Variants in HS3ST4 observed in about 807,000 individuals in gnomAD.
HS3ST4 encodes the protein heparan sulfate-glucosamine 3-sulfotransferase 4, also known as heparan sulfate glucosamine 3-O-sulfotransferase 4.
HS3ST4 carries 17 observed loss-of-function variants against 29.2 expected under a neutral mutation model. The observed-to-expected ratio is 0.58, with a 90% CI of 0.40 to 0.87. The LOEUF is 0.87. Among genes scored for constraint, HS3ST4 ranks in the 40% least tolerant of loss-of-function variants. HS3ST4 has a pLI of 0.00. For missense variants in HS3ST4, 627 were observed against 634.5 expected (o/e 0.99, Z 0.13); for synonymous variants, 314 against 285.7 (o/e 1.10, Z -1.00).
At chr16:25,812,471 T>C (rs62036286) in intron 1 of HS3ST4, among the ~76,000 whole-genome samples, 12,550 of 152,270 alleles carry the variant, frequency 0.082, 639 homozygotes, top group Middle Eastern at 0.17. Context: ...TTTTGGAAAG[T>C]TTATTTGACA....
intron 1 of HS3ST4, among the ~76,000 whole-genome samples, chr16:26,107,714 G>A (rs1899075691): frequency 6.6e-6 from 1 of 152,154 alleles, no homozygotes; most frequent in Admixed American, 6.6e-5. Flanking sequence ...TGCTGCAAAA[G>A]ACATGATTTC....
intron 1 of HS3ST4, among the ~76,000 whole-genome samples, chr16:25,867,179 C>A (rs187155981): frequency 2.5e-3 from 375 of 152,160 alleles, no homozygotes; most frequent in Non-Finnish European, 4.0e-3. Flanking sequence ...AGAGCCTAAA[C>A]CTTATGTCCA....
chr16:26,024,991 A>G (rs1969452616), intron 1 of HS3ST4, among the ~76,000 whole-genome samples: 1 of 151,534 alleles, frequency 6.6e-6, no homozygotes, highest in South Asian at 2.1e-4. Context: ...CCCCTCTCCC[A>G]TTTCATTCTT....
At chr16:26,084,120 C>T (rs1284158340) in intron 1 of HS3ST4, among the ~76,000 whole-genome samples, 1 of 152,182 alleles carries the variant, frequency 6.6e-6, no homozygotes, top group African/African-American at 2.4e-5. Context: ...AGCTTTATTG[C>T]TTTGTTCCTG....
chr16:25,861,256 C>G (rs1229675035), intron 1 of HS3ST4, among the ~76,000 whole-genome samples: 1 of 152,118 alleles, frequency 6.6e-6, no homozygotes, highest in Non-Finnish European at 1.5e-5. Context: ...GCTTTTGATA[C>G]AGGAGTTCCC....
intron 1 of HS3ST4, among the ~76,000 whole-genome samples, chr16:26,042,999 AG>A (rs1472323362): frequency 2.0e-5 from 3 of 152,210 alleles, no homozygotes; most frequent in African/African-American, 7.2e-5. Flanking sequence ...AATTTCACTC[AG>A]CTATCAGCAA....
chr16:25,786,203 A>G (rs1363835515), intron 1 of HS3ST4, among the ~76,000 whole-genome samples: 5 of 152,146 alleles, frequency 3.3e-5, no homozygotes, highest in African/African-American at 1.2e-4. Flanking sequence ...TGCGCAGGGT[A>G]GAAGACTGGG....
At chr16:25,719,707 G>T (rs1596552333) in intron 1 of HS3ST4, among the ~76,000 whole-genome samples, 1 of 152,216 alleles carries the variant, frequency 6.6e-6, no homozygotes, top group Non-Finnish European at 1.5e-5. Flanking sequence ...GTAGCAAAAA[G>T]ACTTTTTCTT....
intron 1 of HS3ST4, among the ~76,000 whole-genome samples, chr16:25,731,530 G>A (rs1337509365): frequency 6.6e-6 from 1 of 151,912 alleles, no homozygotes; most frequent in Non-Finnish European, 1.5e-5. Context: ...TTTAAGAGAT[G>A]GAGTCTTGCT....
intron 1 of HS3ST4, among the ~76,000 whole-genome samples, chr16:25,902,769 C>T (rs568563730): frequency 3.4e-4 from 42 of 123,202 alleles, no homozygotes; most frequent in African/African-American, 1.1e-3. Context: ...CTCCAGACAG[C>T]ATTAAAAACA....
chr16:25,883,972 C>T (rs144374258), intron 1 of HS3ST4, among the ~76,000 whole-genome samples: 147 of 152,056 alleles, frequency 9.7e-4, no homozygotes, highest in African/African-American at 3.2e-3. Flanking sequence ...AATTAGCCGA[C>T]TGTGGTGGCA....
chr16:26,077,108 G>A (rs1292008198), intron 1 of HS3ST4, among the ~76,000 whole-genome samples: 1 of 152,182 alleles, frequency 6.6e-6, no homozygotes, highest in Non-Finnish European at 1.5e-5. Context: ...AGTCCATGGT[G>A]CCTCACTCAC....
At chr16:25,934,875 C>T (rs1031660055) in intron 1 of HS3ST4, among the ~76,000 whole-genome samples, 2 of 152,110 alleles carry the variant, frequency 1.3e-5, no homozygotes, top group Admixed American at 6.6e-5. Flanking sequence ...GCCCCCGCAA[C>T]CACGCATAGC....
chr16:26,125,246 G>A (rs1237927270), intron 1 of HS3ST4, among the ~76,000 whole-genome samples: 2 of 152,162 alleles, frequency 1.3e-5, no homozygotes, highest in African/African-American at 4.8e-5. Context: ...CTGGCACCAC[G>A]GACCAGTTTT....
intron 1 of HS3ST4, among the ~76,000 whole-genome samples, chr16:25,860,101 C>T (rs1186176076): frequency 6.6e-6 from 1 of 152,156 alleles, no homozygotes; most frequent in Non-Finnish European, 1.5e-5. Flanking sequence ...AACCATCCTC[C>T]TACCCCATTC....
intron 1 of HS3ST4, among the ~76,000 whole-genome samples, chr16:25,744,966 A>G (rs1385225044): frequency 2.0e-5 from 3 of 152,152 alleles, no homozygotes; most frequent in Non-Finnish European, 4.4e-5. Context: ...TGTCTTTATC[A>G]GCATTGTGAA....
intron 1 of HS3ST4, among the ~76,000 whole-genome samples, chr16:25,784,812 G>A (rs185510218): frequency 6.6e-6 from 1 of 152,296 alleles, no homozygotes; most frequent in African/African-American, 2.4e-5. Flanking sequence ...TGATGAAGGT[G>A]GCTACACTAA....
rs186202424 is a variant in HS3ST4, at chr16:25,757,981, C to T, written c.734+64830C>T. ...GAGAGATGTTATCTTCTAAGCGGCA[C>T]ACAATCCCTGTGTGTGCCTTCTCCC... On this transcript the variant is annotated intron_variant, in intron 1 of 1. Transcript: ENST00000331351. Among the ~76,000 whole-genome samples the T allele has an allele frequency of 1.6e-3, 239 of 152,256 alleles. 3 individuals carry two copies. Among genetic ancestry groups the T allele is most frequent in the African/African-American group, 5.5e-3 (228 of 41,540 alleles).
chr16:26,032,101 A>C (rs550272215), intron 1 of HS3ST4, among the ~76,000 whole-genome samples: 260 of 152,330 alleles, frequency 1.7e-3, no homozygotes, highest in African/African-American at 6.1e-3. Flanking sequence ...AGATTGCCTG[A>C]CACACTGGTA....
Sources: allele counts gnomAD v4.1 joint callset (sites outside exome capture counted in the v4.1 genomes callset), GRCh38; gene constraint gnomAD v4.1.1; transcripts MANE v1.5; gene names NCBI Gene and HGNC (gene_info 2026-07-23, HGNC 2026-07-21).